MRPS35: variants seen among roughly 807,000 people sequenced by gnomAD.
The protein encoded by MRPS35 is small ribosomal subunit protein mS35.
A neutral mutation model predicts 32.7 loss-of-function variants in MRPS35; 29 were observed. That is an observed-to-expected ratio of 0.89 (90% confidence interval 0.66 to 1.21). The LOEUF (loss-of-function observed/expected upper bound fraction) is 1.21, where lower values mean the gene tolerates loss of function less well. Among genes scored for constraint, MRPS35 ranks in the 50% most tolerant of loss-of-function variants. MRPS35 has a pLI of 0.00. For synonymous variants in MRPS35, 148 were observed against 139.3 expected (o/e 1.06, Z -0.44); for missense variants, 373 against 383.8 (o/e 0.97, Z 0.23).
Position 27,755,364 on chromosome 12 carries a change from G to A in MRPS35, c.886G>A (p.Val296Ile), listed in dbSNP as rs756152907. ...TKEIEEYKKSVVSLKNEEENE... is the reference protein window; with the variant it reads ...TKEIEEYKKSIVSLKNEEENE... ...AGAAATTGAAGAGTACAAAAAGTCTGTTGTTAGTCTTAAAAATGAGGAGGA... is the reference window on the plus strand; with the variant it reads ...AGAAATTGAAGAGTACAAAAAGTCTATTGTTAGTCTTAAAAATGAGGAGGA... The change falls in exon 8 of 8, where the codon GTT becomes ATT. Residue 296 changes from valine (V) to isoleucine (I), a missense_variant. Physicochemically the swap from Val to Ile is conservative, Grantham distance 29. Coordinates refer to ENST00000081029, the MANE Select transcript of MRPS35 (RefSeq NM_021821.4). 2.1e-5 allele frequency: 34 copies of A among 1,605,368 alleles called. No homozygotes were observed. The highest frequency in any genetic ancestry group is 2.8e-5 in the Non-Finnish European group (33 of 1,178,186).
At chr12:27,749,677 G>A (rs1259558359) in intron 7 of MRPS35, among the ~76,000 whole-genome samples, 1 of 152,098 alleles carries the variant, frequency 6.6e-6, no homozygotes, top group East Asian at 1.9e-4. Context: ...TCAAATCCTT[G>A]GCATAGGTAC....
intron 5 of MRPS35, among the ~76,000 whole-genome samples, chr12:27,734,264 C>CA (rs1208164791): frequency 9.6e-5 from 13 of 135,526 alleles, no homozygotes; most frequent in African/African-American, 3.0e-4. Flanking sequence ...TTTTTTGAGG[C>CA]AGAGTTTTGC....
chr12:27,733,326 T>C (rs2061930190), intron 5 of MRPS35, among the ~76,000 whole-genome samples: 2 of 152,146 alleles, frequency 1.3e-5, no homozygotes, highest in Non-Finnish European at 2.9e-5. Flanking sequence ...TATTGAACAT[T>C]AAAATGTTAA....
chr12:27,755,733 T>C lies in MRPS35; in HGVS notation c.*283T>C, dbSNP rs2062023719. The C allele has an allele frequency of 5.3e-6, 1 of 187,918 alleles. No individual in the cohort carries two copies. The highest frequency in any genetic ancestry group is 2.3e-5 in the African/African-American group (1 of 42,952). The allele number at this position is 187,918 out of a possible 1,614,324, so 11.6% of individuals were successfully genotyped here. On this transcript the variant is annotated 3_prime_UTR_variant, in exon 8 of 8. Transcript: ENST00000081029. ...ATTCATGTATATACATGCATTTAAT[T>C]GTGATTTTATCACCTTTCCCATTTC...
chr12:27,730,201 C>G (rs1171487793), intron 5 of MRPS35, among the ~76,000 whole-genome samples: 1 of 152,054 alleles, frequency 6.6e-6, no homozygotes, highest in Non-Finnish European at 1.5e-5. Flanking sequence ...TTCTAATACC[C>G]TTTTTCTGTT....
At chr12:27,730,554 A>G (rs1323117195) in intron 5 of MRPS35, among the ~76,000 whole-genome samples, 1 of 152,138 alleles carries the variant, frequency 6.6e-6, no homozygotes, top group Non-Finnish European at 1.5e-5. Flanking sequence ...GGCTCTGGTG[A>G]TCCTCCCACC....
intron 4 of MRPS35, among the ~76,000 whole-genome samples, chr12:27,721,286 A>G (rs1009307081): frequency 6.6e-6 from 1 of 152,182 alleles, no homozygotes; most frequent in Non-Finnish European, 1.5e-5. Context: ...GGACATTGGG[A>G]TGCTTTTCTA....
chr12:27,750,868 C>T (rs1007330359), intron 7 of MRPS35, among the ~76,000 whole-genome samples: 36 of 151,742 alleles, frequency 2.4e-4, no homozygotes, highest in Middle Eastern at 6.8e-3. Flanking sequence ...TTTGGGAGGC[C>T]GAGACTGGCA....
chr12:27,745,034 C>G (rs1211573824), intron 7 of MRPS35, among the ~76,000 whole-genome samples: 2 of 152,174 alleles, frequency 1.3e-5, no homozygotes, highest in Non-Finnish European at 2.9e-5. Context: ...CGGCTCACTG[C>G]AGACTCTGCC....
intron 5 of MRPS35, among the ~76,000 whole-genome samples, chr12:27,732,987 GATATATATATATATATATATATATAT>G (rs56932909): frequency 6.8e-4 from 82 of 120,658 alleles, no homozygotes; most frequent in African/African-American, 1.8e-3. Flanking sequence ...GTCATTTGAA[GATATATATATATATATATATATATAT>G]ATATATATAT....
At chr12:27,731,316 G>A (rs1174409172) in intron 5 of MRPS35, among the ~76,000 whole-genome samples, 1 of 152,172 alleles carries the variant, frequency 6.6e-6, no homozygotes, top group African/African-American at 2.4e-5. Flanking sequence ...CCTCTTTGAG[G>A]TGCCTCCTGG....
chr12:27,727,774 T>C (rs2061906246), intron 5 of MRPS35, among the ~76,000 whole-genome samples: 1 of 152,142 alleles, frequency 6.6e-6, no homozygotes, highest in Non-Finnish European at 1.5e-5. Flanking sequence ...GTTTGTTAAT[T>C]ATCATACAGT....
intron 7 of MRPS35, among the ~76,000 whole-genome samples, chr12:27,745,719 CT>C (rs1181071075): frequency 1.3e-5 from 2 of 151,852 alleles, no homozygotes; most frequent in African/African-American, 4.8e-5. Flanking sequence ...TCCCTTCCCC[CT>C]GCCCCCCACA....
intron 4 of MRPS35, among the ~76,000 whole-genome samples, chr12:27,722,748 G>A (rs74074253): frequency 0.087 from 13,181 of 152,074 alleles, 1,864 homozygotes; most frequent in African/African-American, 0.3. Context: ...CAAAACGACC[G>A]GGTATTGATT....
At position 27,724,102 on chromosome 12, in the gene MRPS35, T is replaced by C. The variant is rs1185409234; in HGVS notation, c.438T>C (p.His146=). The C allele has an allele frequency of 1.9e-6, 3 of 1,613,150 alleles. No individual in the cohort carries two copies. Among genetic ancestry groups the C allele is most frequent in the Admixed American group, 3.4e-5 (2 of 59,654 alleles). The change falls in exon 5 of 8, where the codon CAT becomes CAC. Residue 146 remains histidine, a synonymous_variant. Transcript: ENST00000081029. ...ALDSDEKCEK[H]FPIEIDSTDY... is the part of the protein sequence containing the mutation. ...ACAGTGACGAGAAATGTGAGAAGCATTTTCCAATTGAAATTGACAGCACTG... is the reference window on the plus strand; with the variant it reads ...ACAGTGACGAGAAATGTGAGAAGCACTTTCCAATTGAAATTGACAGCACTG...
At chr12:27,722,725 A>G (rs1000218549) in intron 4 of MRPS35, among the ~76,000 whole-genome samples, 3 of 152,176 alleles carry the variant, frequency 2.0e-5, no homozygotes, top group Admixed American at 1.3e-4. Flanking sequence ...TTGCAAAGAT[A>G]CTTCTTTCCC....
chr12:27,748,538 C>T (rs1484556685), intron 7 of MRPS35, among the ~76,000 whole-genome samples: 4 of 151,076 alleles, frequency 2.6e-5, no homozygotes, highest in South Asian at 2.1e-4. Context: ...AAATAGGAGT[C>T]GACAAATTAA....
chr12:27,714,958 G>A, intron 2 of MRPS35, 138 bp downstream of exon 2: 1 of 689,548 alleles, frequency 1.5e-6, no homozygotes. Context: ...CATAGCCCTG[G>A]CAGAGGTTAG....
chr12:27,750,364 C>T (rs1345844163), intron 7 of MRPS35, among the ~76,000 whole-genome samples: 1 of 152,180 alleles, frequency 6.6e-6, no homozygotes, highest in Non-Finnish European at 1.5e-5. Context: ...TAAATCTTAA[C>T]AACAATTGTA....
Sources: allele counts gnomAD v4.1 joint callset (sites outside exome capture counted in the v4.1 genomes callset), GRCh38; gene constraint gnomAD v4.1.1; transcripts MANE v1.5; gene names NCBI Gene and HGNC (gene_info 2026-07-23, HGNC 2026-07-21).